COL25A1: variants seen among roughly 807,000 people sequenced by gnomAD.
COL25A1 encodes collagen type XXV alpha 1 chain.
A neutral mutation model predicts 128.4 loss-of-function variants in COL25A1; 103 were observed. The ratio of observed to expected loss-of-function variants is 0.80; its 90% CI spans 0.68 to 0.94. The LOEUF (loss-of-function observed/expected upper bound fraction) is 0.94, where lower values mean the gene tolerates loss of function less well. Among genes scored for constraint, COL25A1 ranks in the 40% least tolerant of loss-of-function variants. COL25A1 has a pLI of 0.00. For missense variants in COL25A1, 745 were observed against 840.0 expected, an observed-to-expected ratio of 0.89 and a Z score of 1.40; for synonymous variants, 279 against 277.2, an observed-to-expected ratio of 1.01 and a Z score of -0.06.
chr4:108,860,335 A>T (rs111448104), intron 23 of COL25A1, among the ~76,000 whole-genome samples: 8,673 of 152,154 alleles, frequency 0.057, 317 homozygotes, highest in East Asian at 0.097. Context: ...CAGGTGATCC[A>T]CCAGCCTTGG....
At chr4:108,863,426 C>A (rs750183844) in intron 20 of COL25A1, 39 bp from the exon 21 acceptor site, 2 of 1,556,510 alleles carry the variant, frequency 1.3e-6, no homozygotes, top group African/African-American at 1.4e-5. Flanking sequence ...GTCATTCCCC[C>A]CACCCAGGCT....
intron 6 of COL25A1, among the ~76,000 whole-genome samples, chr4:108,988,478 T>A (rs1753858386): frequency 6.6e-6 from 1 of 152,178 alleles, no homozygotes; most frequent in Non-Finnish European, 1.5e-5. Flanking sequence ...TGTCGACTCA[T>A]GACACTAAGT....
intron 3 of COL25A1, among the ~76,000 whole-genome samples, chr4:109,179,636 G>A (rs1456469186): frequency 6.6e-6 from 1 of 152,160 alleles, no homozygotes; most frequent in Non-Finnish European, 1.5e-5. Context: ...ATTACTTTCT[G>A]TGTTATAAAG....
At chr4:108,947,355 T>C (rs1047618475) in intron 8 of COL25A1, among the ~76,000 whole-genome samples, 1 of 151,400 alleles carries the variant, frequency 6.6e-6, no homozygotes, top group African/African-American at 2.4e-5. Flanking sequence ...GGCAGGAGAA[T>C]CATTTGAACC....
intron 8 of COL25A1, among the ~76,000 whole-genome samples, chr4:108,946,246 A>G (rs757828563): frequency 6.6e-6 from 1 of 152,198 alleles, no homozygotes; most frequent in Non-Finnish European, 1.5e-5. Flanking sequence ...GAACAAATAA[A>G]TAATTCATAA....
intron 3 of COL25A1, among the ~76,000 whole-genome samples, chr4:109,273,418 G>A (rs1782333095): frequency 1.3e-5 from 2 of 152,106 alleles, no homozygotes; most frequent in Admixed American, 1.3e-4. Flanking sequence ...CCTATAGAAG[G>A]AGCAAACTGG....
At chr4:109,080,339 T>A (rs1763731277) in intron 3 of COL25A1, among the ~76,000 whole-genome samples, 1 of 152,084 alleles carries the variant, frequency 6.6e-6, no homozygotes, top group Non-Finnish European at 1.5e-5. Context: ...CCATGGATTT[T>A]AAAAATATAA....
At chr4:109,180,513 A>C (rs1034325067) in intron 3 of COL25A1, among the ~76,000 whole-genome samples, 2 of 152,132 alleles carry the variant, frequency 1.3e-5, no homozygotes, top group African/African-American at 4.8e-5. Context: ...TCTATTGCAC[A>C]GGATTGCTGT....
At chr4:109,239,831 T>TA (rs1264043973) in intron 3 of COL25A1, among the ~76,000 whole-genome samples, 1 of 152,140 alleles carries the variant, frequency 6.6e-6, no homozygotes, top group Non-Finnish European at 1.5e-5. Context: ...TCTTAGCTTA[T>TA]AACACAAACA....
At chr4:109,093,078 T>C (rs181035593) in intron 3 of COL25A1, among the ~76,000 whole-genome samples, 379 of 152,016 alleles carry the variant, frequency 2.5e-3, no homozygotes, top group South Asian at 0.015. Context: ...ACTGGCCAGA[T>C]TTCCTACTCC....
intron 3 of COL25A1, among the ~76,000 whole-genome samples, chr4:109,094,447 A>G (rs1234557905): frequency 2.6e-5 from 4 of 152,196 alleles, no homozygotes; most frequent in Non-Finnish European, 5.9e-5. Flanking sequence ...TTCACTGTGT[A>G]CCGTAATACT....
In COL25A1 at chr4:108,862,519, T is replaced by A; in HGVS notation, c.1179A>T (p.Arg393Ser). Residue 393 changes from arginine (R) to serine (S), a missense_variant, in exon 22 of 38, where the codon AGA (arginine) becomes AGT (serine). Arg to Ser is a moderately radical substitution (Grantham distance 110). Around this residue, in one of 3 missense-constraint regions of COL25A1, gnomAD observed 387 missense variants for 441.9 expected, o/e 0.88. Coordinates refer to ENST00000399132, the MANE Select transcript of COL25A1 (RefSeq NM_198721.4). ...PKGKQGESGT[R>S]GPKGSKGDRG... ...TACTGACCTTTGACCCCTTTGGGCCTCTAGTTCCTGATTCACCTTGTTTCC... is the reference window on the plus strand; with the variant it reads ...TACTGACCTTTGACCCCTTTGGGCCACTAGTTCCTGATTCACCTTGTTTCC... 1 of 1,612,058 alleles carries A rather than the reference T, an allele frequency of 6.2e-7. No homozygotes were observed. The highest frequency in any genetic ancestry group is 8.5e-7 in the Non-Finnish European group (1 of 1,178,172).
At chr4:108,878,373 G>T (rs1266111705) in intron 19 of COL25A1, among the ~76,000 whole-genome samples, 2 of 151,190 alleles carry the variant, frequency 1.3e-5, no homozygotes, top group Non-Finnish European at 2.9e-5. Context: ...GTGCTGATCT[G>T]CCTGGGTGCC....
intron 5 of COL25A1, among the ~76,000 whole-genome samples, chr4:109,035,636 T>C (rs1402364997): frequency 1.3e-5 from 2 of 152,138 alleles, no homozygotes; most frequent in Non-Finnish European, 2.9e-5. Context: ...AAGCTTCTCC[T>C]TCTCAATGAT....
chr4:109,261,048 G>A (rs1434385200), intron 3 of COL25A1, among the ~76,000 whole-genome samples: 1 of 151,986 alleles, frequency 6.6e-6, no homozygotes, highest in Non-Finnish European at 1.5e-5. Flanking sequence ...AAAACTAGGA[G>A]GTAAAAACCA....
chr4:109,138,457 G>A (rs1377802142), intron 3 of COL25A1, among the ~76,000 whole-genome samples: 2 of 152,176 alleles, frequency 1.3e-5, no homozygotes, highest in Admixed American at 6.5e-5. Flanking sequence ...ACATGTGCAT[G>A]TGTCTTTATA....
chr4:109,036,612 T>C lies in COL25A1; in HGVS notation c.420+11556A>G, dbSNP rs568683414. Among the ~76,000 whole-genome samples, 161 of 152,278 alleles carry C rather than the reference T, an allele frequency of 1.1e-3. 4 individuals carry two copies. In the South Asian group the frequency reaches 0.032, roughly 30 times the overall value. On this transcript the variant is annotated intron_variant, in intron 5 of 37. Transcript: ENST00000399132. ...AGGTCATTTCCTATCCAAGGATATA[T>C]ATAGGGCATATTGAATAATGGTCAG...
chr4:108,856,850 CA>C (rs555238232), intron 24 of COL25A1, among the ~76,000 whole-genome samples: 88 of 152,156 alleles, frequency 5.8e-4, no homozygotes, highest in Non-Finnish European at 9.4e-4. Context: ...AAAAAGTGTT[CA>C]GAAGCTCTGA....
intron 23 of COL25A1, among the ~76,000 whole-genome samples, chr4:108,860,221 C>T (rs1183307827): frequency 6.6e-6 from 1 of 152,094 alleles, no homozygotes; most frequent in Non-Finnish European, 1.5e-5. Context: ...AAGCAATTCT[C>T]CTGCCTCAGC....
Sources: gnomAD v4.1 joint callset for allele counts (sites outside exome capture counted in the v4.1 genomes callset) on GRCh38, gnomAD v4.1.1 for gene constraint, gnomAD v4.1.1 regional missense constraint, MANE v1.5 for transcripts, NCBI Gene and HGNC (gene_info 2026-07-23, HGNC 2026-07-21) for gene names.